The following SMARCA4 variants were observed in gnomAD, a reference collection of about 807,000 sequenced individuals.
The protein encoded by SMARCA4 is SWI/SNF-related matrix-associated actin-dependent regulator of chromatin subfamily A member 4.
Under a neutral mutation model 193.9 loss-of-function variants are expected in SMARCA4, and 31 were observed. The observed-to-expected ratio is 0.16, with a 90% CI of 0.12 to 0.22. The LOEUF is 0.22. Among genes scored for constraint, SMARCA4 ranks in the 10% least tolerant of loss-of-function variants. SMARCA4 has a pLI of 1.00. For synonymous variants in SMARCA4, 942 were observed against 933.1 expected, an observed-to-expected ratio of 1.01 and a Z score of -0.17; for missense variants, 1,148 against 2,296.0, an observed-to-expected ratio of 0.50 and a Z score of 10.22.
intron 1 of SMARCA4, among the ~76,000 whole-genome samples, chr19:10,965,996 T>A (rs1358811694): frequency 2.7e-5 from 4 of 146,614 alleles, no homozygotes; most frequent in Non-Finnish European, 3.0e-5. Context: ...TTTTTTTTTT[T>A]TTTGAGGTGA....
intron 30 of SMARCA4, among the ~76,000 whole-genome samples, chr19:11,050,983 A>G (rs1015547749): frequency 1.3e-5 from 2 of 152,242 alleles, no homozygotes; most frequent in Non-Finnish European, 2.9e-5. Flanking sequence ...AGCCCCAGGC[A>G]TGCCCACTTA....
intron 1 of SMARCA4, chr19:10,980,857 C>T (rs1006136916): frequency 3.3e-5 from 5 of 152,126 alleles, no homozygotes; most frequent in African/African-American, 1.2e-4. Context: ...ACTCAGGTAA[C>T]CCTCCCACCT....
At chr19:11,054,410 C>T (rs1018546399) in intron 30 of SMARCA4, among the ~76,000 whole-genome samples, 1 of 152,200 alleles carries the variant, frequency 6.6e-6, no homozygotes, top group African/African-American at 2.4e-5. Context: ...TGTGTTTCTG[C>T]ATCATCAACT....
In SMARCA4 at chr19:11,034,325, G is replaced by A; in HGVS notation, c.3951+125G>A. ...GTCAGGGAGCCAGGGACAGCTCACA[G>A]TGCAGCCCACTCCCACCTCCAGACT... is the stretch of plus-strand genomic sequence containing the variant. On this transcript the variant is annotated intron_variant, in intron 28 of 34. Coordinates refer to ENST00000344626, the MANE Select transcript of SMARCA4 (RefSeq NM_003072.5). The surrounding 1 kb of genome is among the most constrained non-coding windows in gnomAD (Gnocchi z 7.0). 1.3e-6 allele frequency: 1 copy of A among 777,496 alleles called. No homozygotes were observed. The highest frequency in any genetic ancestry group is 1.4e-5 in the South Asian group (1 of 69,802). The allele number at this position is 777,496 out of a possible 1,614,324, so 48.2% of individuals were successfully genotyped here. A position where few individuals can be genotyped will look rare whatever the true frequency, so the allele number is the denominator to read the frequency against.
In SMARCA4 at chr19:11,059,824, C is replaced by T. The variant is rs2147114969; in HGVS notation, c.4707C>T (p.Asp1569=). Residue 1569 remains aspartate, a synonymous_variant, in exon 33 of 35, where the codon GAC becomes GAT. Transcript: ENST00000344626. ...SVRQKIEKED[D]SEGEESEEEE... ...GGCAGAAAATCGAGAAGGAGGATGACAGTGAAGGCGAGGAGAGTGAGGAGG... is the reference window on the plus strand; with the variant it reads ...GGCAGAAAATCGAGAAGGAGGATGATAGTGAAGGCGAGGAGAGTGAGGAGG... 6.2e-7 allele frequency: 1 copy of T among 1,613,314 alleles called. No individual in the cohort carries two copies. Among genetic ancestry groups the T allele is most frequent in the Non-Finnish European group, 8.5e-7 (1 of 1,179,606 alleles).
chr19:11,008,730 T>A (rs1332235986), intron 14 of SMARCA4, among the ~76,000 whole-genome samples: 2 of 152,116 alleles, frequency 1.3e-5, no homozygotes, highest in African/African-American at 4.8e-5. Flanking sequence ...TCCCAGCACT[T>A]TGGGAGGCCA....
chr19:11,022,246 C>T (rs1401384671), intron 19 of SMARCA4, among the ~76,000 whole-genome samples: 1 of 152,210 alleles, frequency 6.6e-6, no homozygotes. Context: ...GAAGATGGCC[C>T]TGAGGCAGCT....
intron 8 of SMARCA4, among the ~76,000 whole-genome samples, 172 bp downstream of exon 8, chr19:10,991,495 A>G (rs542682416): frequency 1.3e-4 from 20 of 152,356 alleles, no homozygotes; most frequent in African/African-American, 4.8e-4. Context: ...TAAAAACCCA[A>G]TGGTAGGGAG....
At chr19:11,053,794 C>G (rs1468351871) in intron 30 of SMARCA4, among the ~76,000 whole-genome samples, 1 of 152,088 alleles carries the variant, frequency 6.6e-6, no homozygotes, top group African/African-American at 2.4e-5. Flanking sequence ...GCCTGTAGTC[C>G]TAGCTACTTG....
At chr19:11,049,966 G>A (rs868488538) in intron 30 of SMARCA4, among the ~76,000 whole-genome samples, 2 of 152,196 alleles carry the variant, frequency 1.3e-5, no homozygotes, top group Non-Finnish European at 2.9e-5. Context: ...GCCAGGCATG[G>A]TGGCACTCGC....
intron 22 of SMARCA4, 71 bp downstream of exon 22, chr19:11,025,579 C>T: frequency 9.6e-7 from 1 of 1,041,290 alleles, no homozygotes; most frequent in Non-Finnish European, 1.5e-6. Context: ...CTGGCTTCTC[C>T]TCGACAGCTC....
chr19:10,988,742 G>A (rs1025496958), intron 6 of SMARCA4, among the ~76,000 whole-genome samples: 1 of 152,126 alleles, frequency 6.6e-6, no homozygotes, highest in African/African-American at 2.4e-5. Context: ...TATGGCCTGT[G>A]TTTTCTAATG....
chr19:11,050,057 C>T (rs576737664), intron 30 of SMARCA4, among the ~76,000 whole-genome samples: 1 of 152,308 alleles, frequency 6.6e-6, no homozygotes, highest in South Asian at 2.1e-4. Flanking sequence ...CAAGATTGCA[C>T]CACTGCACTC....
intron 14 of SMARCA4, among the ~76,000 whole-genome samples, chr19:11,008,820 A>C (rs1000728226): frequency 1.2e-4 from 18 of 151,960 alleles, no homozygotes; most frequent in African/African-American, 4.3e-4. Flanking sequence ...CTAAAAATAC[A>C]AAAATTAGCT....
At position 11,031,044 on chromosome 19, in the gene SMARCA4, T is replaced by A. The variant is rs1311979182; in HGVS notation, c.3546+151T>A. On this transcript the variant is annotated intron_variant, in intron 25 of 34. Coordinates refer to ENST00000344626, the MANE Select transcript of SMARCA4 (RefSeq NM_003072.5). This position sits in a 1 kb window ranked among gnomAD's most constrained non-coding sequence, Gnocchi z 4.3. ...GGAGCTGCACCCATATCTCCATAGG[T>A]CATCAGGGAGAAAAGAGGCGGGGTC... 5.5e-6 allele frequency: 4 copies of A among 729,756 alleles called. No homozygotes were observed. Among genetic ancestry groups the A allele is most frequent in the Non-Finnish European group, 4.8e-6 (2 of 418,124 alleles). The allele number at this position is 729,756 out of a possible 1,614,324, so 45.2% of individuals were successfully genotyped here.
At chr19:11,020,109 G>C (rs1198565323) in intron 18 of SMARCA4, among the ~76,000 whole-genome samples, 1 of 152,192 alleles carries the variant, frequency 6.6e-6, no homozygotes, top group Admixed American at 6.5e-5. Flanking sequence ...CAGGCCATGG[G>C]CTGAGATTCA....
chr19:11,034,652 C>G lies in SMARCA4; in HGVS notation c.3952-262C>G, dbSNP rs1345581089. On this transcript the variant is annotated intron_variant, in intron 28 of 34. Transcript: ENST00000344626. This position sits in a 1 kb window ranked among gnomAD's most constrained non-coding sequence, Gnocchi z 7.0. ...ACGCTGGGCCACGCAGCTGCTGCCC[C>G]CCTGCTGGGGTCTGCAGCCCTCTTG... Among the ~76,000 whole-genome samples the G allele has an allele frequency of 5.3e-5, 8 of 152,198 alleles. No individual in the cohort carries two copies. The highest frequency in any genetic ancestry group is 1.9e-4 in the African/African-American group (8 of 41,460).
intron 15 of SMARCA4, 36 bp from the exon 16 acceptor site, chr19:11,012,913 C>T (rs1600208309): frequency 1.2e-6 from 2 of 1,611,798 alleles, no homozygotes; most frequent in Non-Finnish European, 8.5e-7. Context: ...TCCGACCCGG[C>T]CTTCAGTCCT....
In SMARCA4 at chr19:11,019,043, G is replaced by C. The variant is rs2089627866; in HGVS notation, c.2505+20G>C. 1.9e-6 allele frequency: 3 copies of C among 1,603,942 alleles called. No individual in the cohort carries two copies. The highest frequency in any genetic ancestry group is 2.2e-5 in the South Asian group (2 of 90,906). ...TACAAGGTAGGTCACAGCCACTGAG[G>C]TTTCCTCTCTTGCTACGGAGGTGCA... On this transcript the variant is annotated intron_variant, in intron 17 of 34. Transcript: ENST00000344626. The surrounding 1 kb of genome is among the most constrained non-coding windows in gnomAD (Gnocchi z 6.1).
Sources: gnomAD v4.1 joint callset for allele counts (sites outside exome capture counted in the v4.1 genomes callset) on GRCh38, gnomAD v4.1.1 for gene constraint, Gnocchi (gnomAD v3.1) non-coding constraint, MANE v1.5 for transcripts, NCBI Gene and HGNC (gene_info 2026-07-23, HGNC 2026-07-21) for gene names.